COL4A6: variants seen among roughly 807,000 people sequenced by gnomAD.
The protein encoded by COL4A6 is collagen type IV alpha 6 chain.
In COL4A6, 59 loss-of-function variants were observed where a neutral mutation model predicts 126.7. That is an observed-to-expected ratio of 0.47 (90% CI 0.38 to 0.58). The LOEUF (loss-of-function observed/expected upper bound fraction) is 0.58, where lower values mean the gene tolerates loss of function less well. Ranked by LOEUF, COL4A6 falls within the 20% of genes least tolerant of loss-of-function variation. The pLI is 0.00. For synonymous variants in COL4A6, 547 were observed against 496.6 expected, an observed-to-expected ratio of 1.10 and a Z score of -1.35; for missense variants, 1,285 against 1,337.3, an observed-to-expected ratio of 0.96 and a Z score of 0.61.
intron 3 of COL4A6, among the ~76,000 whole-genome samples, chrX:108,225,100 G>A (rs2036130094): frequency 9.0e-6 from 1 of 110,946 alleles, no homozygotes; most frequent in African/African-American, 3.3e-5. Flanking sequence ...TTTAGGTCAC[G>A]TAGCTAGTAG....
Position 108,164,805 on chromosome X carries a change from T to C in COL4A6, c.3970+72A>G, listed in dbSNP as rs2034070775. 2.5e-6 allele frequency: 3 copies of C among 1,185,316 alleles called. No individual in the cohort carries two copies. The East Asian group carries it at 9.0e-5, about 35-fold the overall frequency. On this transcript the variant is annotated intron_variant, in intron 39 of 44. Coordinates refer to ENST00000334504, the MANE Select transcript of COL4A6 (RefSeq NM_033641.4). ...GAAGAACATCAGCCACCGGCCTCTCTTCACAGGACTGCAGGAAGGAGTCCT... is the reference window on the plus strand; with the variant it reads ...GAAGAACATCAGCCACCGGCCTCTCCTCACAGGACTGCAGGAAGGAGTCCT...
chrX:108,316,726 A>C (rs2038889399), intron 2 of COL4A6, among the ~76,000 whole-genome samples: 2 of 112,341 alleles, frequency 1.8e-5, no homozygotes, highest in Non-Finnish European at 3.8e-5. Context: ...TAGAAGATGA[A>C]GGAATGAGTT....
At chrX:108,300,724 C>CATGTGTGTGTGT (rs3220851) in intron 3 of COL4A6, among the ~76,000 whole-genome samples, 2 of 92,382 alleles carry the variant, frequency 2.2e-5, no homozygotes, top group African/African-American at 8.0e-5. Flanking sequence ...CAAACATTGG[C>CATGTGTGTGTGT]GTGTGTGTGT....
chrX:108,225,078 A>C (rs1452903929), intron 3 of COL4A6, among the ~76,000 whole-genome samples: 3 of 110,250 alleles, frequency 2.7e-5, no homozygotes, highest in Non-Finnish European at 5.7e-5. Flanking sequence ...CCGAGAGAAG[A>C]GGAAGGACTT....
At position 108,180,635 on chromosome X, in the gene COL4A6, A is replaced by T. The variant is rs2034655223; in HGVS notation, c.2024-13T>A. On this transcript the variant is annotated splice_polypyrimidine_tract_variant and intron_variant, in intron 24 of 44. Transcript: ENST00000334504. ...GACCCTTTAGGGCCTGAAAACCCAA[A>T]TGTAAGCAATGAGGGGAAAGGAAAG... 3.6e-6 allele frequency: 4 copies of T among 1,114,632 alleles called. No individual in the cohort carries two copies. Among genetic ancestry groups the T allele is most frequent in the Non-Finnish European group, 3.6e-6 (3 of 825,569 alleles). The allele number at this position is 1,114,632 out of a possible 1,213,427, so 91.9% of individuals were successfully genotyped here.
rs765777759 is a variant in COL4A6, at chrX:108,307,796, A to G, written c.144+2952T>C. Reference sequence around the variant, plus strand: ...ACTGAGAGGCTGTCCTGCAGGGTCAATAGTGCTGGGGCCAATTTAAACAAT... The same window carrying G: ...ACTGAGAGGCTGTCCTGCAGGGTCAGTAGTGCTGGGGCCAATTTAAACAAT... On this transcript the variant is annotated intron_variant, in intron 3 of 44. Transcript: ENST00000334504. 4.5e-5 allele frequency among the ~76,000 whole-genome samples: 5 copies of G among 111,838 alleles called. No homozygotes were observed. In the South Asian group the frequency reaches 1.1e-3, roughly 26 times the overall value.
chrX:108,192,052 G>A (rs2048919396), intron 18 of COL4A6, among the ~76,000 whole-genome samples: 1 of 111,891 alleles, frequency 8.9e-6, no homozygotes, highest in African/African-American at 3.3e-5. Context: ...ACAAGATCCT[G>A]GGACCATTCA....
intron 14 of COL4A6, 123 bp downstream of exon 14, chrX:108,196,388 T>C: frequency 3.4e-6 from 2 of 580,444 alleles, no homozygotes; most frequent in East Asian, 3.4e-5. Flanking sequence ...AACCTGCCAT[T>C]GGGTTGAGGA....
At chrX:108,167,712 G>A (rs2034174942) in intron 37 of COL4A6, among the ~76,000 whole-genome samples, 1 of 111,232 alleles carries the variant, frequency 9.0e-6, no homozygotes, top group Non-Finnish European at 1.9e-5. Context: ...AGGTTCCTGT[G>A]GGGGTGGGGT....
intron 12 of COL4A6, 23 bp from the exon 13 acceptor site, chrX:108,203,004 GTAAGTAGCA>G: frequency 1.7e-6 from 2 of 1,193,037 alleles, no homozygotes; most frequent in South Asian, 3.5e-5. Flanking sequence ...CCCAAGGTTA[GTAAGTAGCA>G]TCAGGAAGCA....
At chrX:108,321,831 G>A (rs2039039092) in intron 2 of COL4A6, among the ~76,000 whole-genome samples, 1 of 111,228 alleles carries the variant, frequency 9.0e-6, no homozygotes, top group Admixed American at 9.6e-5. Context: ...GTGAGCATCT[G>A]TTATGTGCCT....
intron 2 of COL4A6, among the ~76,000 whole-genome samples, chrX:108,330,226 T>C (rs2039264412): frequency 9.0e-6 from 1 of 110,944 alleles, no homozygotes; most frequent in Non-Finnish European, 1.9e-5. Context: ...CACAGCAGAA[T>C]GGGACAAAGA....
chrX:108,243,300 C>G (rs1309233661), intron 3 of COL4A6, among the ~76,000 whole-genome samples: 1 of 96,554 alleles, frequency 1.0e-5, no homozygotes, highest in African/African-American at 3.6e-5. Flanking sequence ...ATGTTGAAGC[C>G]CCCCTCCCCC....
intron 23 of COL4A6, among the ~76,000 whole-genome samples, chrX:108,184,608 G>A (rs937353274): frequency 8.9e-6 from 1 of 112,182 alleles, no homozygotes. Context: ...TCAACTGATG[G>A]GCTGCCCAAT....
At position 108,162,883 on chromosome X, in the gene COL4A6, C is replaced by T. The variant is rs2034005824; in HGVS notation, c.4216+9G>A. 1 of 1,138,844 alleles carries T rather than the reference C, an allele frequency of 8.8e-7. No homozygotes were observed. The highest frequency in any genetic ancestry group is 1.2e-6 in the Non-Finnish European group (1 of 863,169). 93.9% of individuals were successfully genotyped at this position (1,138,844 alleles called of 1,213,427 possible). On this transcript the variant is annotated intron_variant, in intron 41 of 44. Transcript: ENST00000334504. ...CCAACAAATCTCCTTTTTCTGGCAC[C>T]CTCCTCACCTTGTAGGCCTACAGGG...
chrX:108,294,414 GGT>G (rs1442691524), intron 3 of COL4A6, among the ~76,000 whole-genome samples: 6 of 57,745 alleles, frequency 1.0e-4, no homozygotes, highest in Non-Finnish European at 1.3e-4. Context: ...TTTTTTTTTT[GGT>G]GTGTGTGTGT....
intron 3 of COL4A6, among the ~76,000 whole-genome samples, chrX:108,221,762 A>G (rs1346825033): frequency 8.9e-6 from 1 of 112,654 alleles, no homozygotes; most frequent in African/African-American, 3.2e-5. Flanking sequence ...CTCACGTCCA[A>G]ATGGCCAACC....
At chrX:108,164,824 G>A in intron 39 of COL4A6, 53 bp downstream of exon 39, 1 of 1,185,089 alleles carries the variant, frequency 8.4e-7, no homozygotes, top group East Asian at 3.0e-5. Context: ...CTGCAGGAAG[G>A]AGTCCTGGCC....
chrX:108,216,193 A>T (rs911968840), intron 5 of COL4A6, among the ~76,000 whole-genome samples: 1 of 112,016 alleles, frequency 8.9e-6, no homozygotes, highest in African/African-American at 3.3e-5. Context: ...GATTTCAGGG[A>T]TACCTGTTTA....
Sources: allele counts gnomAD v4.1 joint callset (sites outside exome capture counted in the v4.1 genomes callset), GRCh38; gene constraint gnomAD v4.1.1; transcripts MANE v1.5; gene names NCBI Gene and HGNC (gene_info 2026-07-23, HGNC 2026-07-21).